Variants in ITGB5 observed in about 807,000 individuals in gnomAD.
ITGB5 encodes integrin subunit beta 5, also known as integrin beta-5.
In ITGB5, 38 loss-of-function variants were observed where a neutral mutation model predicts 84.8. That is an observed-to-expected ratio of 0.45 (90% CI 0.35 to 0.59). The LOEUF (loss-of-function observed/expected upper bound fraction) is 0.59. ITGB5 is among the 20% of genes least tolerant of loss of function. The probability of loss-of-function intolerance (pLI) is 0.01; values close to 1 mark genes in which losing one functional copy is unlikely to be tolerated. For synonymous variants in ITGB5, 393 were observed against 414.4 expected (o/e 0.95, Z 0.63); for missense variants, 905 against 1,034.5 (o/e 0.87, Z 1.72).
upstream of ITGB5, among the ~76,000 whole-genome samples, chr3:124,890,592 A>T (rs968051006): frequency 3.9e-5 from 6 of 152,106 alleles, no homozygotes; most frequent in Non-Finnish European, 7.4e-5. Flanking sequence ...AACTGTTGAA[A>T]TATCAGTTTG....
intron 10 of ITGB5, chr3:124,791,683 GTGTAAAGC>G (rs2064152322): frequency 6.6e-6 from 1 of 152,296 alleles, no homozygotes; most frequent in African/African-American, 2.4e-5. Context: ...GGAAGAGGGG[GTGTAAAGC>G]TGTGAGAGAA....
At chr3:124,880,408 A>G (rs1934512797) in intron 1 of ITGB5, among the ~76,000 whole-genome samples, 1 of 152,246 alleles carries the variant, frequency 6.6e-6, no homozygotes, top group Admixed American at 6.5e-5. Context: ...TCTTTGCACT[A>G]TCTTCTCAAT....
chr3:124,856,735 T>C (rs140894579), intron 3 of ITGB5, among the ~76,000 whole-genome samples: 456 of 152,356 alleles, frequency 3.0e-3, no homozygotes, highest in Non-Finnish European at 4.8e-3. Flanking sequence ...TACAACACGA[T>C]GTTCCAACAT....
At chr3:124,810,813 CG>C (rs1285560813) in intron 8 of ITGB5, among the ~76,000 whole-genome samples, 1 of 152,134 alleles carries the variant, frequency 6.6e-6, no homozygotes, top group Non-Finnish European at 1.5e-5. Flanking sequence ...CATCCGCAGA[CG>C]GCCCTGCGGA....
chr3:124,839,540 A>G (rs1654889863), intron 5 of ITGB5, among the ~76,000 whole-genome samples: 1 of 152,098 alleles, frequency 6.6e-6, no homozygotes, highest in South Asian at 2.1e-4. Context: ...AGAAAGATGA[A>G]TTTCTCTCTC....
chr3:124,770,686 T>TAACA (rs1261956509), intron 11 of ITGB5, among the ~76,000 whole-genome samples: 1 of 152,278 alleles, frequency 6.6e-6, no homozygotes, highest in East Asian at 1.9e-4. Context: ...TAAGAGGTTC[T>TAACA]AACATGCTTA....
intron 1 of ITGB5, among the ~76,000 whole-genome samples, chr3:124,893,515 A>G (rs56965863): frequency 0.023 from 3,480 of 152,254 alleles, 125 homozygotes; most frequent in African/African-American, 0.079. Flanking sequence ...CCTGTCCACC[A>G]TGGTCCTGGT....
At chr3:124,821,079 T>A (rs2064694494) in intron 6 of ITGB5, among the ~76,000 whole-genome samples, 1 of 152,192 alleles carries the variant, frequency 6.6e-6, no homozygotes, top group South Asian at 2.1e-4. Context: ...AGACGCACAT[T>A]GACAGAAAGA....
intron 2 of ITGB5, among the ~76,000 whole-genome samples, chr3:124,870,098 T>G (rs987661369): frequency 4.6e-5 from 7 of 152,192 alleles, no homozygotes; most frequent in Admixed American, 1.3e-4. Context: ...ACAGCAAAAC[T>G]GATTGAAACT....
chr3:124,779,218 G>A (rs538876813), intron 10 of ITGB5, among the ~76,000 whole-genome samples: 2 of 151,620 alleles, frequency 1.3e-5, no homozygotes, highest in South Asian at 2.1e-4. Context: ...AGCAGAACTC[G>A]GGGCAGAGGG....
chr3:124,775,288 G>A (rs1020349572), intron 10 of ITGB5, among the ~76,000 whole-genome samples: 1 of 149,592 alleles, frequency 6.7e-6, no homozygotes, highest in African/African-American at 2.4e-5. Context: ...TTGTGAGTGG[G>A]TGCAAGTGTG....
At chr3:124,786,681 T>A (rs148389170) in intron 10 of ITGB5, among the ~76,000 whole-genome samples, 1,990 of 152,168 alleles carry the variant, frequency 0.013, 22 homozygotes, top group South Asian at 0.045. Flanking sequence ...ACTTCCAGAC[T>A]CAAGGGAGCT....
chr3:124,829,781 T>C (rs1212795589), intron 5 of ITGB5, among the ~76,000 whole-genome samples: 1 of 152,230 alleles, frequency 6.6e-6, no homozygotes, highest in Non-Finnish European at 1.5e-5. Context: ...CCCTTCCATG[T>C]GCCTACAAAT....
At chr3:124,839,006 C>G (rs568535339) in intron 5 of ITGB5, among the ~76,000 whole-genome samples, 1 of 152,188 alleles carries the variant, frequency 6.6e-6, no homozygotes, top group African/African-American at 2.4e-5. Flanking sequence ...CTGTGGTGAG[C>G]CAGGAAGGAT....
At chr3:124,796,903 C>G in intron 9 of ITGB5, 86 bp from the exon 10 acceptor site, 1 of 1,333,246 alleles carries the variant, frequency 7.5e-7, no homozygotes, top group Non-Finnish European at 1.0e-6. Context: ...TGATGAAGAG[C>G]AGCTGCGAAC....
At chr3:124,772,250 T>C (rs1314141095) in intron 11 of ITGB5, among the ~76,000 whole-genome samples, 1 of 152,174 alleles carries the variant, frequency 6.6e-6, no homozygotes, top group Non-Finnish European at 1.5e-5. Context: ...GTTTTTCTTC[T>C]TCCTTACTCT....
chr3:124,769,254 T>C, intron 11 of ITGB5, 141 bp from the exon 12 acceptor site: 1 of 641,224 alleles, frequency 1.6e-6, no homozygotes, highest in Admixed American at 2.8e-5. Context: ...GGAATGTTTC[T>C]GCTCTGCCTT....
intron 9 of ITGB5, among the ~76,000 whole-genome samples, chr3:124,805,385 A>AGTCTCCCAAAGTCTCAGTCTCCCAAG: frequency 1.3e-5 from 2 of 151,936 alleles, no homozygotes; most frequent in South Asian, 4.2e-4. Flanking sequence ...TCAAGCAATT[A>AGTCTCCCAAAGTCTCAGTCTCCCAAG]ACAAGTCTCA....
Position 124,796,480 on chromosome 3 carries a change from G to A in ITGB5, c.1601C>T (p.Ser534Phe), listed in dbSNP as rs998817348. 1.9e-6 allele frequency: 3 copies of A among 1,613,958 alleles called. No individual in the cohort carries two copies. Among genetic ancestry groups the A allele is most frequent in the African/African-American group, 1.3e-5 (1 of 74,916 alleles). Residue 534 changes from serine (S) to phenylalanine (F), a missense_variant, in exon 10 of 15, where the codon TCC becomes TTC. Around this residue, in one of 3 missense-constraint regions of ITGB5, gnomAD observed 656 missense variants for 734.7 expected, o/e 0.89. Transcript: ENST00000296181. ...GRGDCSCNQC[S>F]CFESEFGKIY... is the part of the protein sequence containing the mutation. ...CTTGCCAAACTCGCTCTCGAAGCAG[G>A]AGCACTGGTTGCAGCTGCAGTCCCC...
Sources: allele counts gnomAD v4.1 joint callset (sites outside exome capture counted in the v4.1 genomes callset), GRCh38; gene constraint gnomAD v4.1.1; regional missense constraint gnomAD v4.1.1; transcripts MANE v1.5; gene names NCBI Gene and HGNC (gene_info 2026-07-23, HGNC 2026-07-21).